Variants in AFF1 observed in about 807,000 individuals in gnomAD.
AFF1 encodes the protein AF4/FMR2 family member 1.
A neutral mutation model predicts 121.7 loss-of-function variants in AFF1; 48 were observed. The observed-to-expected ratio is 0.39, with a 90% CI of 0.31 to 0.50. AFF1 has a LOEUF of 0.50. AFF1 is among the 20% of genes least tolerant of loss of function. AFF1 has a pLI of 0.76. For synonymous variants in AFF1, 613 were observed against 563.0 expected (o/e 1.09, Z -1.26); for missense variants, 1,523 against 1,511.7 (o/e 1.01, Z -0.12).
intron 2 of AFF1, among the ~76,000 whole-genome samples, chr4:87,000,519 ACTGG>A (rs1725606303): frequency 6.6e-6 from 1 of 152,050 alleles, no homozygotes; most frequent in Non-Finnish European, 1.5e-5. Context: ...TAAACAGGAA[ACTGG>A]CTGGGTGGGG....
At position 87,047,403 on chromosome 4, in the gene AFF1, AGT is replaced by A. The variant is rs1193868646; in HGVS notation, c.871_872del (p.Val291CysfsTer21). 1 of 1,613,870 alleles carries A rather than the reference AGT, an allele frequency of 6.2e-7. No individual in the cohort carries two copies. The highest frequency in any genetic ancestry group is 8.5e-7 in the Non-Finnish European group (1 of 1,180,020). On this transcript the variant is annotated frameshift_variant, in exon 4 of 21. Transcript: ENST00000395146. LOFTEE classifies it high-confidence loss of function. ...TFPPPSLPSK[S>X]VAMQQKPTAY... ...TCCACCTCCCTCCCTCCCCTCAAAA[AGT>A]GTTGCAATGCAGCAGAAGCCCACGG...
At chr4:87,121,380 G>A (rs192968486) in intron 12 of AFF1, among the ~76,000 whole-genome samples, 2 of 152,174 alleles carry the variant, frequency 1.3e-5, no homozygotes, top group Non-Finnish European at 2.9e-5. Context: ...ACCCAATATT[G>A]CATGGCTCCC....
intron 2 of AFF1, among the ~76,000 whole-genome samples, chr4:86,980,778 C>G (rs1003623277): frequency 1.3e-5 from 2 of 152,082 alleles, no homozygotes; most frequent in Non-Finnish European, 2.9e-5. Flanking sequence ...CTAGACTTTC[C>G]TGAATGTACC....
chr4:87,097,187 G>T (rs988159281), intron 8 of AFF1, among the ~76,000 whole-genome samples: 1 of 152,222 alleles, frequency 6.6e-6, no homozygotes, highest in Non-Finnish European at 1.5e-5. Flanking sequence ...GGACGTTAAA[G>T]CCTGGGTATC....
chr4:87,005,172 T>G (rs1292213617), intron 2 of AFF1, among the ~76,000 whole-genome samples: 6 of 152,226 alleles, frequency 3.9e-5, no homozygotes, highest in Non-Finnish European at 8.8e-5. Context: ...AAATGGGGTC[T>G]CACCATGTTG....
intron 2 of AFF1, chr4:86,949,689 G>A: frequency 6.4e-7 from 1 of 1,571,220 alleles, no homozygotes; most frequent in Non-Finnish European, 8.6e-7. Flanking sequence ...GGGATGATGG[G>A]CATGCGCAGG....
chr4:86,953,783 G>A (rs1460318102), intron 2 of AFF1, among the ~76,000 whole-genome samples: 2 of 151,696 alleles, frequency 1.3e-5, no homozygotes, highest in Non-Finnish European at 2.9e-5. Context: ...GCAATGGCGC[G>A]ATCTCGGCTC....
intron 12 of AFF1, among the ~76,000 whole-genome samples, chr4:87,120,099 G>A (rs1727530815): frequency 6.6e-6 from 1 of 152,214 alleles, no homozygotes; most frequent in Admixed American, 6.5e-5. Context: ...ATATGCATGT[G>A]ATAGCTTAGG....
At chr4:86,951,229 C>T (rs1437361038) in intron 2 of AFF1, among the ~76,000 whole-genome samples, 2 of 152,062 alleles carry the variant, frequency 1.3e-5, no homozygotes, top group Admixed American at 1.3e-4. Context: ...TCAGAACTTC[C>T]CAATTGGTGT....
chr4:86,974,324 A>G (rs190970807), intron 2 of AFF1, among the ~76,000 whole-genome samples: 34 of 151,926 alleles, frequency 2.2e-4, no homozygotes, highest in African/African-American at 7.0e-4. Context: ...ATTTTTTTGT[A>G]TTTTTAGTAG....
At chr4:86,951,582 A>G (rs970777864) in intron 2 of AFF1, among the ~76,000 whole-genome samples, 4 of 145,796 alleles carry the variant, frequency 2.7e-5, no homozygotes, top group Non-Finnish European at 4.5e-5. Flanking sequence ...AAGATGGGGG[A>G]TGTTAGGGAA....
rs144464693 is a variant in AFF1 at position 87,079,056 on chromosome 4, A to C, written c.1060-5064A>C. Among the ~76,000 whole-genome samples, 47 of 152,326 alleles carry C rather than the reference A, an allele frequency of 3.1e-4. 2 individuals are homozygous for C. In the East Asian group the frequency reaches 8.1e-3, roughly 26 times the overall value. On this transcript the variant is annotated intron_variant, in intron 4 of 20. Coordinates refer to ENST00000395146, the MANE Select transcript of AFF1 (RefSeq NM_001166693.3). ...GTCCCAAAGAGGATGAATCTTATCC[A>C]AGATTCAGCGCCAGTCTTCAGCAGA...
At chr4:86,953,381 A>G (rs1173594135) in intron 2 of AFF1, among the ~76,000 whole-genome samples, 1 of 152,244 alleles carries the variant, frequency 6.6e-6, no homozygotes, top group Non-Finnish European at 1.5e-5. Context: ...TATATTTGCA[A>G]AGGAAACAGA....
intron 2 of AFF1, among the ~76,000 whole-genome samples, chr4:86,960,617 G>A (rs563904717): frequency 3.9e-5 from 6 of 152,292 alleles, no homozygotes; most frequent in African/African-American, 1.4e-4. Flanking sequence ...ACTAAAGTAT[G>A]TGCATACTTT....
Position 87,140,088 on chromosome 4 carries a change from T to C in AFF1, c.*4387T>C, listed in dbSNP as rs1026294632. On this transcript the variant is annotated 3_prime_UTR_variant, in exon 21 of 21. Transcript: ENST00000395146. ...GCAGGAGGGAAACCCTACAGCTCCT[T>C]GTGAGCCTATATATTAGTATATCGG... is the stretch of plus-strand genomic sequence containing the variant. 5.4e-5 allele frequency: 11 copies of C among 204,690 alleles called. No individual in the cohort carries two copies. Among genetic ancestry groups the C allele is most frequent in the South Asian group, 1.9e-4 (1 of 5,276 alleles). The allele number at this position is 204,690 out of a possible 1,614,324, so 12.7% of individuals were successfully genotyped here.
chr4:87,077,834 A>G (rs1722824680), intron 4 of AFF1, among the ~76,000 whole-genome samples: 1 of 152,206 alleles, frequency 6.6e-6, no homozygotes, highest in Non-Finnish European at 1.5e-5. Flanking sequence ...GTAGTTGCGT[A>G]GCATTTATTT....
At chr4:86,968,136 A>C (rs1722663071) in intron 2 of AFF1, among the ~76,000 whole-genome samples, 1 of 152,178 alleles carries the variant, frequency 6.6e-6, no homozygotes, top group Non-Finnish European at 1.5e-5. Flanking sequence ...TAAACTGTGG[A>C]TTCAGTCACC....
intron 1 of AFF1, among the ~76,000 whole-genome samples, chr4:86,943,235 TG>T (rs1720595779): frequency 6.6e-6 from 1 of 152,184 alleles, no homozygotes; most frequent in Non-Finnish European, 1.5e-5. Context: ...TTTCTGAGCT[TG>T]TGAGGTCCAT....
In AFF1 at chr4:87,139,345, T is replaced by G. The variant is rs1253330463; in HGVS notation, c.*3644T>G. 3 of 231,610 alleles carry G rather than the reference T, an allele frequency of 1.3e-5. No individual in the cohort carries two copies. The highest frequency in any genetic ancestry group is 6.7e-5 in the African/African-American group (3 of 45,064). 14.3% of individuals were successfully genotyped at this position (231,610 alleles called of 1,614,324 possible). A position where few individuals can be genotyped will look rare whatever the true frequency, so the allele number is the denominator to read the frequency against. On this transcript the variant is annotated 3_prime_UTR_variant, in exon 21 of 21. Transcript: ENST00000395146. ...GGCTGGGCTTTCGGGTTTTTTTGTT[T>G]TTTGTTTTGTTTTGTTTTGTTTTGT...
Sources: allele counts gnomAD v4.1 joint callset (sites outside exome capture counted in the v4.1 genomes callset), GRCh38; gene constraint gnomAD v4.1.1; transcripts MANE v1.5; gene names NCBI Gene and HGNC (gene_info 2026-07-23, HGNC 2026-07-21).